The following CMIP variants were observed in gnomAD, a reference collection of about 807,000 sequenced individuals.
CMIP encodes the protein c-Maf inducing protein, also known as C-Maf-inducing protein.
A neutral mutation model predicts 97.3 loss-of-function variants in CMIP; 13 were observed. The observed-to-expected ratio is 0.13, with a 90% CI of 0.09 to 0.21. The LOEUF is 0.21. Ranked by LOEUF, CMIP falls within the 10% of genes least tolerant of loss-of-function variation. CMIP has a pLI of 1.00. For synonymous variants in CMIP, 538 were observed against 436.3 expected, an observed-to-expected ratio of 1.23 and a Z score of -2.91; for missense variants, 847 against 1,024.9, an observed-to-expected ratio of 0.83 and a Z score of 2.37.
chr16:81,486,024 G>C (rs927708162), intron 1 of CMIP, among the ~76,000 whole-genome samples: 1 of 152,232 alleles, frequency 6.6e-6, no homozygotes, highest in Non-Finnish European at 1.5e-5. Flanking sequence ...GGGGTTGGGC[G>C]TGAGAGCCTG....
intron 9 of CMIP, among the ~76,000 whole-genome samples, chr16:81,676,957 C>T (rs965446791): frequency 5.3e-5 from 8 of 152,190 alleles, no homozygotes; most frequent in South Asian, 2.1e-4. Context: ...TCAATCGTGC[C>T]GTTGTGCTCG....
In CMIP at chr16:81,652,188, A is replaced by G. The variant is rs926670817; in HGVS notation, c.478-15A>G. 6 of 1,603,846 alleles carry G rather than the reference A, an allele frequency of 3.7e-6. No individual in the cohort carries two copies. The African/African-American group carries it at 8.0e-5, about 22-fold the overall frequency. ...GTGAGTAACATGTTGCTGTCTCTTTATCTCTTTCAACCAGAAAAAGATTTA... is the reference window on the plus strand; with the variant it reads ...GTGAGTAACATGTTGCTGTCTCTTTGTCTCTTTCAACCAGAAAAAGATTTA... On this transcript the variant is annotated splice_polypyrimidine_tract_variant and intron_variant, in intron 3 of 20. Transcript: ENST00000537098. The surrounding 1 kb of genome is among the most constrained non-coding windows in gnomAD (Gnocchi z 5.2).
At chr16:81,499,892 C>T (rs926169704) in intron 1 of CMIP, among the ~76,000 whole-genome samples, 1 of 152,266 alleles carries the variant, frequency 6.6e-6, no homozygotes, top group Non-Finnish European at 1.5e-5. Flanking sequence ...CCTATTTTGG[C>T]CCTATGGGAG....
intron 1 of CMIP, among the ~76,000 whole-genome samples, chr16:81,500,001 G>A (rs529540888): frequency 6.6e-6 from 1 of 152,324 alleles, no homozygotes; most frequent in East Asian, 1.9e-4. Flanking sequence ...TTCTGGAGGA[G>A]CCCTTTCTTC....
intron 3 of CMIP, chr16:81,645,838 A>G (rs1356074525): frequency 8.8e-6 from 5 of 565,718 alleles, no homozygotes; most frequent in African/African-American, 3.8e-5. Context: ...AGTGTTTTAT[A>G]TATTATCTCA....
intron 3 of CMIP, among the ~76,000 whole-genome samples, chr16:81,634,283 A>G (rs1429084353): frequency 6.6e-6 from 1 of 152,192 alleles, no homozygotes; most frequent in Non-Finnish European, 1.5e-5. Context: ...TATTTTCTTT[A>G]GGCTGCACAG....
intron 1 of CMIP, among the ~76,000 whole-genome samples, chr16:81,494,134 G>C (rs749258132): frequency 1.3e-5 from 2 of 152,174 alleles, no homozygotes; most frequent in Admixed American, 6.5e-5. Context: ...CTCCAGGCAC[G>C]GTCCTTGCCT....
chr16:81,490,218 C>T (rs1181008244), intron 1 of CMIP, among the ~76,000 whole-genome samples: 6 of 152,200 alleles, frequency 3.9e-5, no homozygotes, highest in Admixed American at 2.0e-4. Context: ...TTTCTGTGCT[C>T]CTACTGTGTG....
chr16:81,461,528 C>A (rs760799192), intron 1 of CMIP, among the ~76,000 whole-genome samples: 1 of 152,198 alleles, frequency 6.6e-6, no homozygotes, highest in Non-Finnish European at 1.5e-5. Context: ...TGGCATGCAA[C>A]GGGGACCCTA....
chr16:81,463,915 T>C (rs1907043016), intron 1 of CMIP: 1 of 152,298 alleles, frequency 6.6e-6, no homozygotes, highest in Non-Finnish European at 1.5e-5. Flanking sequence ...ATGAAGTAGG[T>C]GTTGGTTGGA....
At chr16:81,575,399 C>T (rs750949873) in intron 1 of CMIP, among the ~76,000 whole-genome samples, 2 of 152,188 alleles carry the variant, frequency 1.3e-5, no homozygotes, top group Non-Finnish European at 2.9e-5. Context: ...GTCACTGGCC[C>T]TCCTTTTCTA....
At chr16:81,664,722 A>G (rs191080252) in intron 7 of CMIP, 14 of 433,756 alleles carry the variant, frequency 3.2e-5, no homozygotes, top group Non-Finnish European at 5.6e-5. Context: ...TCCAGAGAGC[A>G]CTGTATGGAA....
intron 2 of CMIP, among the ~76,000 whole-genome samples, chr16:81,608,157 A>G (rs527442111): frequency 7.2e-5 from 11 of 152,276 alleles, no homozygotes; most frequent in Admixed American, 5.2e-4. Flanking sequence ...TCTTTTTGGG[A>G]AAAAAAGTGC....
intron 9 of CMIP, among the ~76,000 whole-genome samples, chr16:81,674,132 A>G (rs570582873): frequency 1.3e-5 from 2 of 152,152 alleles, no homozygotes; most frequent in Non-Finnish European, 2.9e-5. Context: ...AAAGGGGATC[A>G]TGTCCCACCT....
chr16:81,607,756 G>T, intron 2 of CMIP, 64 bp downstream of exon 2: 1 of 1,564,216 alleles, frequency 6.4e-7, no homozygotes. Flanking sequence ...TGTGCCCCTC[G>T]TTTCCCTTGG....
At chr16:81,454,791 C>T (rs142339490) in intron 1 of CMIP, among the ~76,000 whole-genome samples, 20 of 152,192 alleles carry the variant, frequency 1.3e-4, no homozygotes, top group African/African-American at 3.9e-4. Context: ...TGTGTTTGGA[C>T]GGAGGAAGAG....
intron 10 of CMIP, among the ~76,000 whole-genome samples, chr16:81,678,917 A>G (rs1251881661): frequency 2.6e-5 from 4 of 152,248 alleles, no homozygotes; most frequent in Non-Finnish European, 5.9e-5. Context: ...GGGTGCATGC[A>G]TGGCTTTGTA....
At chr16:81,540,470 T>G (rs935500885) in intron 1 of CMIP, among the ~76,000 whole-genome samples, 1 of 151,016 alleles carries the variant, frequency 6.6e-6, no homozygotes, top group African/African-American at 2.4e-5. Context: ...GCCCAGCTAA[T>G]TTTTGTATTT....
In CMIP at chr16:81,696,503, C is replaced by A; in HGVS notation, c.1531-57C>A. 2.6e-6 allele frequency: 4 copies of A among 1,511,654 alleles called. No individual in the cohort carries two copies. The South Asian group carries it at 3.5e-5, about 13-fold the overall frequency. The allele number at this position is 1,511,654 out of a possible 1,614,324, so 93.6% of individuals were successfully genotyped here. A position where few individuals can be genotyped will look rare whatever the true frequency, so the allele number is the denominator to read the frequency against. ...CCCATTCATGTGTGCAGATCATGGTCGCCCTTGTCACCGGGGCTGCATGCA... is the reference window on the plus strand; with the variant it reads ...CCCATTCATGTGTGCAGATCATGGTAGCCCTTGTCACCGGGGCTGCATGCA... On this transcript the variant is annotated intron_variant, in intron 13 of 20. Coordinates refer to ENST00000537098, the MANE Select transcript of CMIP (RefSeq NM_198390.3).
Sources: allele counts gnomAD v4.1 joint callset (sites outside exome capture counted in the v4.1 genomes callset), GRCh38; gene constraint gnomAD v4.1.1; non-coding constraint Gnocchi (gnomAD v3.1); transcripts MANE v1.5; gene names NCBI Gene and HGNC (gene_info 2026-07-23, HGNC 2026-07-21).